Variants in DLG2 observed in about 807,000 individuals in gnomAD.
DLG2 encodes the protein disks large homolog 2.
Under a neutral mutation model 132.5 loss-of-function variants are expected in DLG2, and 45 were observed. The observed-to-expected ratio is 0.34, with a 90% CI of 0.27 to 0.44. The LOEUF is 0.44. Ranked by LOEUF, DLG2 falls within the 20% of genes least tolerant of loss-of-function variation. DLG2 has a pLI of 1.00. For missense variants in DLG2, 1,045 were observed against 1,196.9 expected (o/e 0.87, Z 1.87); for synonymous variants, 424 against 419.6 (o/e 1.01, Z -0.13).
intron 18 of DLG2, among the ~76,000 whole-genome samples, chr11:83,712,897 A>T (rs912787324): frequency 6.6e-6 from 1 of 152,146 alleles, no homozygotes; most frequent in African/African-American, 2.4e-5. Flanking sequence ...TCTGTGCAGC[A>T]AATCACCGTG....
chr11:84,051,376 A>T (rs2096375643), intron 11 of DLG2, among the ~76,000 whole-genome samples: 1 of 151,924 alleles, frequency 6.6e-6, no homozygotes, highest in Non-Finnish European at 1.5e-5. Flanking sequence ...AACCAACCCA[A>T]ATGTCCAACA....
chr11:83,780,376 G>A (rs1008525366), intron 18 of DLG2, among the ~76,000 whole-genome samples: 2 of 152,194 alleles, frequency 1.3e-5, no homozygotes, highest in African/African-American at 4.8e-5. Context: ...TAACATCAGA[G>A]TTTCACTTAT....
intron 15 of DLG2, among the ~76,000 whole-genome samples, chr11:83,908,060 C>A (rs1170025081): frequency 6.6e-6 from 1 of 152,132 alleles, no homozygotes; most frequent in South Asian, 2.1e-4. Flanking sequence ...CAAGTACCTG[C>A]AACATTGGCA....
intron 21 of DLG2, among the ~76,000 whole-genome samples, chr11:83,516,651 AGT>A (rs2095305794): frequency 6.6e-6 from 1 of 152,190 alleles, no homozygotes; most frequent in African/African-American, 2.4e-5. Context: ...ATGATTTTGC[AGT>A]GGCTGGTACC....
chr11:85,607,944 G>A (rs913532537), intron 2 of DLG2, among the ~76,000 whole-genome samples: 7 of 152,052 alleles, frequency 4.6e-5, no homozygotes, highest in Non-Finnish European at 8.8e-5. Flanking sequence ...ACAAGTTTTC[G>A]ACAATGCTTC....
chr11:84,087,593 T>C (rs2097010006), intron 10 of DLG2, among the ~76,000 whole-genome samples: 2 of 152,192 alleles, frequency 1.3e-5, no homozygotes. Context: ...CAGTTAAGGA[T>C]CTTGAGATGA....
chr11:84,371,006 C>T (rs544982124), intron 7 of DLG2, among the ~76,000 whole-genome samples: 1 of 152,194 alleles, frequency 6.6e-6, no homozygotes, highest in African/African-American at 2.4e-5. Context: ...TCCATTCTGG[C>T]TTTTTTATAA....
chr11:83,633,334 G>A lies in DLG2; in HGVS notation c.1826-9C>T, dbSNP rs1284454377. ...CTCAAATCGAGCGTAATCTGGGAATGAAAACAAAGGTAGCAAATTTTGCTC... is the reference window on the plus strand; with the variant it reads ...CTCAAATCGAGCGTAATCTGGGAATAAAAACAAAGGTAGCAAATTTTGCTC... On this transcript the variant is annotated splice_polypyrimidine_tract_variant and intron_variant, in intron 18 of 27. Transcript: ENST00000376104. 1 of 1,611,274 alleles carries A rather than the reference G, an allele frequency of 6.2e-7. No individual in the cohort carries two copies. The highest frequency in any genetic ancestry group is 8.5e-7 in the Non-Finnish European group (1 of 1,178,260).
chr11:84,682,509 C>G (rs1331799632), intron 6 of DLG2, among the ~76,000 whole-genome samples: 2 of 152,158 alleles, frequency 1.3e-5, no homozygotes, highest in African/African-American at 4.8e-5. Flanking sequence ...AGTGGGGAGC[C>G]TGGTGCTCCT....
rs2092668192 is a variant in DLG2 at position 84,103,230 on chromosome 11, C to A, written c.625-4183G>T. Among the ~76,000 whole-genome samples the A allele has an allele frequency of 1.3e-5, 2 of 152,122 alleles. 1 individual carries two copies. Among genetic ancestry groups the A allele is most frequent in the African/African-American group, 4.8e-5 (2 of 41,436 alleles). ...TTAAGTCTTTGCTACCAGCCAGCAG[C>A]ATTTAGCAGAGAGAGGGACAGATGC... On this transcript the variant is annotated intron_variant, in intron 9 of 27. Coordinates refer to ENST00000376104, the MANE Select transcript of DLG2 (RefSeq NM_001142699.3).
intron 19 of DLG2, among the ~76,000 whole-genome samples, chr11:83,563,151 A>AT (rs1052126229): frequency 3.7e-4 from 56 of 150,656 alleles, no homozygotes; most frequent in Non-Finnish European, 5.9e-4. Context: ...ATTTTTTTGT[A>AT]TTTTTTTAGT....
chr11:84,734,730 A>G (rs2063602068), intron 6 of DLG2, among the ~76,000 whole-genome samples: 1 of 152,114 alleles, frequency 6.6e-6, no homozygotes, highest in Non-Finnish European at 1.5e-5. Flanking sequence ...TTCAAAGGGA[A>G]TGTTTCCAGT....
intron 7 of DLG2, among the ~76,000 whole-genome samples, chr11:84,331,516 G>A (rs950880524): frequency 9.9e-5 from 14 of 141,592 alleles, no homozygotes; most frequent in Non-Finnish European, 1.7e-4. Context: ...TTTTGGTGAT[G>A]TAAGTACTTT....
At chr11:85,391,214 AC>A (rs2086770456) in intron 3 of DLG2, among the ~76,000 whole-genome samples, 1 of 152,134 alleles carries the variant, frequency 6.6e-6, no homozygotes, top group Non-Finnish European at 1.5e-5. Context: ...CTGGAAGTAT[AC>A]AAATTCCTCC....
Position 83,480,686 on chromosome 11 carries a change from G to A in DLG2, c.2293+3443C>T, listed in dbSNP as rs117765955. ...AAAAATGCATAATGTCAATTTAGGC[G>A]ATTAGAAAAATACTATGACCCATTC... On this transcript the variant is annotated intron_variant, in intron 22 of 27. Coordinates refer to ENST00000376104, the MANE Select transcript of DLG2 (RefSeq NM_001142699.3). 1,100 of 1,471,438 alleles carry A rather than the reference G, an allele frequency of 7.5e-4. 5 individuals are homozygous for A. In the East Asian group the frequency reaches 0.015, roughly 19 times the overall value. The allele number at this position is 1,471,438 out of a possible 1,614,324, so 91.1% of individuals were successfully genotyped here.
At chr11:84,852,790 GC>G (rs1296961066) in intron 6 of DLG2, among the ~76,000 whole-genome samples, 1 of 150,778 alleles carries the variant, frequency 6.6e-6, no homozygotes, top group African/African-American at 2.4e-5. Flanking sequence ...AAGGGATTTG[GC>G]AGATATCTGG....
At chr11:84,843,500 A>G (rs976845415) in intron 6 of DLG2, among the ~76,000 whole-genome samples, 8 of 152,030 alleles carry the variant, frequency 5.3e-5, no homozygotes, top group African/African-American at 1.2e-4. Flanking sequence ...CATCATCATC[A>G]TCATTATTCC....
rs922411511 is a variant in DLG2 at position 85,110,403 on chromosome 11, G to A, written c.357+1258C>T. On this transcript the variant is annotated intron_variant, in intron 6 of 27. Coordinates refer to ENST00000376104, the MANE Select transcript of DLG2 (RefSeq NM_001142699.3). ...ACTACACTCCAGCCTGGGCAACAGAGTAAAACTCTGTCTCAAAAATAAAAA... is the reference window on the plus strand; with the variant it reads ...ACTACACTCCAGCCTGGGCAACAGAATAAAACTCTGTCTCAAAAATAAAAA... 3.3e-5 allele frequency among the ~76,000 whole-genome samples: 5 copies of A among 152,100 alleles called. No homozygotes were observed. In the East Asian group the frequency reaches 7.7e-4, roughly 24 times the overall value.
chr11:85,093,831 A>G (rs991565611), intron 6 of DLG2, among the ~76,000 whole-genome samples: 1 of 152,200 alleles, frequency 6.6e-6, no homozygotes, highest in Non-Finnish European at 1.5e-5. Flanking sequence ...AACTATTATC[A>G]CCCAGGTTTT....
Sources: allele counts gnomAD v4.1 joint callset (sites outside exome capture counted in the v4.1 genomes callset), GRCh38; gene constraint gnomAD v4.1.1; transcripts MANE v1.5; gene names NCBI Gene and HGNC (gene_info 2026-07-23, HGNC 2026-07-21).